Variants in SLC26A7 observed in about 807,000 individuals in gnomAD.
SLC26A7 encodes solute carrier family 26 member 7, also known as anion exchange transporter.
Under a neutral mutation model 82.5 loss-of-function variants are expected in SLC26A7, and 59 were observed. The observed-to-expected ratio is 0.72, with a 90% confidence interval of 0.58 to 0.89. SLC26A7 has a LOEUF of 0.89. SLC26A7 is among the 40% of genes least tolerant of loss of function. SLC26A7 has a pLI of 0.00. For missense variants in SLC26A7, 820 were observed against 793.0 expected, an observed-to-expected ratio of 1.03 and a Z score of -0.41; for synonymous variants, 271 against 274.3, an observed-to-expected ratio of 0.99 and a Z score of 0.12.
intron 11 of SLC26A7, among the ~76,000 whole-genome samples, chr8:91,354,633 C>T (rs1480085602): frequency 6.6e-6 from 1 of 152,092 alleles, no homozygotes; most frequent in Non-Finnish European, 1.5e-5. Flanking sequence ...TATACAGGAA[C>T]TGGAGCACTG....
At chr8:91,237,943 T>A (rs1810414417) in intron 2 of SLC26A7, among the ~76,000 whole-genome samples, 1 of 152,218 alleles carries the variant, frequency 6.6e-6, no homozygotes, top group Admixed American at 6.5e-5. Context: ...TAGGGTTTAA[T>A]CATCACCTTA....
intron 1 of SLC26A7, among the ~76,000 whole-genome samples, chr8:91,210,294 A>G (rs1160757505): frequency 2.0e-5 from 3 of 152,186 alleles, no homozygotes; most frequent in Non-Finnish European, 4.4e-5. Flanking sequence ...ACACCTCCTG[A>G]TACCACCTTC....
At chr8:91,218,804 A>T in intron 1 of SLC26A7, 1 of 823,632 alleles carries the variant, frequency 1.2e-6, no homozygotes, top group East Asian at 2.8e-5. Flanking sequence ...CAATGTTCTG[A>T]AACCTCTGAG....
At chr8:91,249,487 T>C (rs141368922) in intron 1 of SLC26A7, 52 bp from the exon 2 acceptor site, 3 of 445,664 alleles carry the variant, frequency 6.7e-6, no homozygotes, top group Non-Finnish European at 1.2e-5. Flanking sequence ...ATTGAAGTGC[T>C]TCTGTTAATC....
intron 4 of SLC26A7, among the ~76,000 whole-genome samples, chr8:91,302,836 G>A (rs1488922110): frequency 1.6e-4 from 13 of 81,592 alleles, no homozygotes; most frequent in Non-Finnish European, 3.0e-4. Flanking sequence ...TTTTTTTTTG[G>A]TCTGGTTTCT....
At chr8:91,345,128 A>G (rs1377493827) in intron 9 of SLC26A7, among the ~76,000 whole-genome samples, 2 of 150,564 alleles carry the variant, frequency 1.3e-5, no homozygotes, top group Non-Finnish European at 1.5e-5. Flanking sequence ...TTCAAATTTT[A>G]GTACAGATAA....
chr8:91,330,572 A>T (rs1813053578), intron 5 of SLC26A7, among the ~76,000 whole-genome samples: 1 of 152,162 alleles, frequency 6.6e-6, no homozygotes, highest in African/African-American at 2.4e-5. Context: ...AATAAAACTA[A>T]TCTTTATCAC....
intron 15 of SLC26A7, among the ~76,000 whole-genome samples, chr8:91,384,240 A>T (rs1814739188): frequency 6.6e-6 from 1 of 152,116 alleles, no homozygotes; most frequent in African/African-American, 2.4e-5. Context: ...TTCAGAGGCC[A>T]TCTGTATTCC....
intron 2 of SLC26A7, among the ~76,000 whole-genome samples, chr8:91,277,504 A>G (rs1811437584): frequency 6.6e-6 from 1 of 152,300 alleles, no homozygotes; most frequent in East Asian, 1.9e-4. Context: ...TTTGGGTCAC[A>G]CATCTTATGT....
At chr8:91,343,323 ATAT>A in intron 8 of SLC26A7, 27 bp from the exon 9 acceptor site, 1 of 1,313,556 alleles carries the variant, frequency 7.6e-7, no homozygotes, top group Non-Finnish European at 1.1e-6. Flanking sequence ...TGTGATTAAG[ATAT>A]TATATATTCT....
chr8:91,318,138 T>A, intron 4 of SLC26A7, 78 bp from the exon 5 acceptor site: 1 of 1,180,666 alleles, frequency 8.5e-7, no homozygotes, highest in Non-Finnish European at 1.2e-6. Flanking sequence ...AAAATGAGAA[T>A]GTGTCAAATA....
intron 14 of SLC26A7, among the ~76,000 whole-genome samples, chr8:91,368,419 T>TG (rs1554614370): frequency 5.9e-5 from 9 of 151,472 alleles, no homozygotes; most frequent in African/African-American, 1.9e-4. Context: ...TGAGGTTTTT[T>TG]TTTTTGTTTT....
At chr8:91,394,561 C>T (rs985320551) in intron 18 of SLC26A7, 7 of 1,223,972 alleles carry the variant, frequency 5.7e-6, no homozygotes, top group Non-Finnish European at 6.1e-6. Flanking sequence ...GCTTTAATTT[C>T]CTGCAATTTT....
Position 91,220,384 on chromosome 8 carries a change from C to A in SLC26A7, c.-34+1379C>A, listed in dbSNP as rs182677888. ...GTGTTTTTGTTTTTTTTCTTTATTT[C>A]TTCTAAAAAAAAAAAACTGGGATAC... On this transcript the variant is annotated intron_variant, in intron 2 of 5. Coordinates refer to the SLC26A7 transcript ENST00000522862. 1.0e-3 allele frequency among the ~76,000 whole-genome samples: 156 copies of A among 149,604 alleles called. 1 individual carries two copies. The highest frequency in any genetic ancestry group is 3.6e-3 in the African/African-American group (149 of 40,832).
intron 16 of SLC26A7, among the ~76,000 whole-genome samples, chr8:91,392,368 G>T (rs1808428919): frequency 6.6e-6 from 1 of 151,936 alleles, no homozygotes; most frequent in South Asian, 2.1e-4. Context: ...CTTGCTTTTC[G>T]GTAAACTGGA....
rs565503566 is a variant in SLC26A7, at chr8:91,297,676, C to T, written c.477+1973C>T. 9.2e-5 allele frequency among the ~76,000 whole-genome samples: 14 copies of T among 152,208 alleles called. No homozygotes were observed. In the South Asian group the frequency reaches 2.9e-3, roughly 32 times the overall value. On this transcript the variant is annotated intron_variant, in intron 4 of 18. Transcript: ENST00000276609. ...GACTTTATTTGACCTCCAAACTCTTCTTTCCATTGTCAACTAGAAACTTCA... is the reference window on the plus strand; with the variant it reads ...GACTTTATTTGACCTCCAAACTCTTTTTTCCATTGTCAACTAGAAACTTCA...
rs1338609829 is a variant in SLC26A7, at chr8:91,392,248, G to GTTA, written c.1777-1548_1777-1546dup. Among the ~76,000 whole-genome samples, 52 of 151,794 alleles carry GTTA rather than the reference G, an allele frequency of 3.4e-4. 2 individuals carry two copies. The highest frequency in any genetic ancestry group is 3.4e-3 in the Middle Eastern group (1 of 294). ...TTCCTATTTTCTTTATTTCATTATG[G>GTTA]TTACAGTAACAGCGTGATCTATGTT... On this transcript the variant is annotated intron_variant, in intron 16 of 18. Coordinates refer to ENST00000276609, the MANE Select transcript of SLC26A7 (RefSeq NM_052832.4).
chr8:91,340,124 T>C (rs1034548021), intron 7 of SLC26A7, among the ~76,000 whole-genome samples: 5 of 152,186 alleles, frequency 3.3e-5, no homozygotes, highest in Non-Finnish European at 7.3e-5. Flanking sequence ...ACAGGAAATT[T>C]CTGTCGAGTC....
At chr8:91,394,968 A>T in intron 18 of SLC26A7, 94 bp from the exon 19 acceptor site, 1 of 1,404,070 alleles carries the variant, frequency 7.1e-7, no homozygotes, top group Non-Finnish European at 1.0e-6. Context: ...GCTTAGCTGG[A>T]CAGCTTGCTT....
Sources: gnomAD v4.1 joint callset for allele counts (sites outside exome capture counted in the v4.1 genomes callset) on GRCh38, gnomAD v4.1.1 for gene constraint, MANE v1.5 for transcripts, NCBI Gene and HGNC (gene_info 2026-07-23, HGNC 2026-07-21) for gene names.